The following CYP4V2 variants were observed in gnomAD, a reference collection of about 807,000 sequenced individuals.
The protein encoded by CYP4V2 is cytochrome P450 family 4 subfamily V member 2, also known as cytochrome P450 4V2.
CYP4V2 carries 55 observed loss-of-function variants against 60.8 expected under a neutral mutation model. That is an observed-to-expected ratio of 0.90 (90% CI 0.73 to 1.13). CYP4V2 has a LOEUF of 1.13. CYP4V2 is among the 50% of genes most tolerant of loss of function. The pLI, the probability that CYP4V2 is intolerant of heterozygous loss-of-function variation, is 0.00. For synonymous variants in CYP4V2, 239 were observed against 236.8 expected (o/e 1.01, Z -0.08); for missense variants, 675 against 662.9 (o/e 1.02, Z -0.20).
Position 186,196,978 on chromosome 4 carries a change from C to T in CYP4V2, c.452C>T (p.Thr151Ile), listed in dbSNP as rs1231355715. ...NKWRSRRKML[T>I]PTFHFTILED... Reference sequence around the variant, plus strand: ...TGGCGCTCCAGGAGAAAGATGTTAACACCCACTTTCCATTTTACCATTCTG... The same window carrying T: ...TGGCGCTCCAGGAGAAAGATGTTAATACCCACTTTCCATTTTACCATTCTG... The change falls in exon 4 of 11, where the codon ACA (threonine) becomes ATA (isoleucine). Residue 151 changes from threonine to isoleucine, a missense_variant. Thr to Ile is a moderately conservative substitution (Grantham distance 89). Coordinates refer to ENST00000378802, the MANE Select transcript of CYP4V2 (RefSeq NM_207352.4). The T allele has an allele frequency of 6.2e-7, 1 of 1,613,560 alleles. No homozygotes were observed. Among genetic ancestry groups the T allele is most frequent in the African/African-American group, 1.3e-5 (1 of 75,040 alleles).
chr4:186,209,134 C>T lies in CYP4V2; in HGVS notation c.1267C>T (p.Pro423Ser), dbSNP rs1736628203. Reference protein sequence around the residue: ...VLKGTEAVIIPYALHRDPRYF... With the variant: ...VLKGTEAVIISYALHRDPRYF... ...AAAAGGCACTGAAGCCGTCATCATT[C>T]CCTATGCATTGCACAGAGATCCGAG... is the stretch of plus-strand genomic sequence containing the variant. Residue 423 changes from proline (P) to serine (S), a missense_variant, in exon 10 of 11, where the codon CCC (proline) becomes TCC (serine). Pro to Ser is a moderately conservative substitution (Grantham distance 74, BLOSUM62 -1). Coordinates refer to ENST00000378802, the MANE Select transcript of CYP4V2 (RefSeq NM_207352.4). 1 of 1,614,186 alleles carries T rather than the reference C, an allele frequency of 6.2e-7. No individual in the cohort carries two copies. Among genetic ancestry groups the T allele is most frequent in the Admixed American group, 1.7e-5 (1 of 60,024 alleles).
Position 186,191,888 on chromosome 4 carries a change from T to G in CYP4V2, c.65T>G (p.Leu22Arg). 1 of 1,590,324 alleles carries G rather than the reference T, an allele frequency of 6.3e-7. No homozygotes were observed. The highest frequency in any genetic ancestry group is 8.5e-7 in the Non-Finnish European group (1 of 1,172,500). The change falls in exon 1 of 11, where the codon CTT becomes CGT. Residue 22 changes from leucine to arginine, a missense_variant. By Grantham distance (102) the Leu-to-Arg change is moderately radical (BLOSUM62 -2). Coordinates refer to ENST00000378802, the MANE Select transcript of CYP4V2 (RefSeq NM_207352.4). ...CTGCTGTGGGGCGCGGCGAGTGCCC[T>G]TTCCCTGGCCGGCGCCAGTCTGGTC... is the stretch of plus-strand genomic sequence containing the variant. ...KLLLWGAASA[L>R]SLAGASLVLS...
At chr4:186,197,852 C>T (rs1736200714) in intron 5 of CYP4V2, among the ~76,000 whole-genome samples, 3 of 152,048 alleles carry the variant, frequency 2.0e-5, no homozygotes, top group Non-Finnish European at 1.5e-5. Flanking sequence ...CATAATGATG[C>T]TTACATTATG....
At chr4:186,199,161 G>A in intron 6 of CYP4V2, 78 bp downstream of exon 6, 3 of 1,469,172 alleles carry the variant, frequency 2.0e-6, no homozygotes, top group South Asian at 1.2e-5. Context: ...TAACTGTACA[G>A]TTTGGTGGTA....
At chr4:186,199,991 A>G (rs566418095) in intron 6 of CYP4V2, among the ~76,000 whole-genome samples, 4 of 152,324 alleles carry the variant, frequency 2.6e-5, no homozygotes, top group Admixed American at 6.5e-5. Flanking sequence ...CATGAATGCA[A>G]TGTTGGCTGA....
At chr4:186,208,460 G>A (rs1032196958) in intron 8 of CYP4V2, among the ~76,000 whole-genome samples, 5 of 151,654 alleles carry the variant, frequency 3.3e-5, no homozygotes, top group Non-Finnish European at 7.4e-5. Context: ...TGATCCACAT[G>A]TTCTTCTTTG....
rs1045604320 is a variant in CYP4V2, at chr4:186,192,251, G to C, written c.214+214G>C. ...AAAGTGAGCATTTTCTTTGTGTGTA[G>C]CACAGGATGCGGTATTTCCAAACCC... is the stretch of plus-strand genomic sequence containing the variant. On this transcript the variant is annotated intron_variant, in intron 1 of 10. Transcript: ENST00000378802. 4 of 719,904 alleles carry C rather than the reference G, an allele frequency of 5.6e-6. No individual in the cohort carries two copies. In the Admixed American group the frequency reaches 6.0e-5, roughly 11 times the overall value. 44.6% of individuals were successfully genotyped at this position (719,904 alleles called of 1,614,324 possible). A position where few individuals can be genotyped will look rare whatever the true frequency, so the allele number is the denominator to read the frequency against.
intron 6 of CYP4V2, 26 bp downstream of exon 6, chr4:186,199,109 G>C: frequency 6.2e-7 from 1 of 1,606,716 alleles, no homozygotes; most frequent in Non-Finnish European, 8.5e-7. Context: ...TTACAATTGT[G>C]GTAAAATAGA....
At chr4:186,201,496 G>GC in intron 7 of CYP4V2, 154 bp downstream of exon 7, 1 of 888,792 alleles carries the variant, frequency 1.1e-6, no homozygotes, top group East Asian at 2.7e-5. Context: ...TTAAGAAACT[G>GC]ATTAAGTACC....
chr4:186,202,796 G>C (rs79078432), intron 7 of CYP4V2: 3 of 143,486 alleles, frequency 2.1e-5, no homozygotes, highest in Non-Finnish European at 4.6e-5. Flanking sequence ...GCGCACACAC[G>C]TGCATACACT....
chr4:186,204,252 G>GCGTCCTT (rs1736413582), intron 7 of CYP4V2: 1 of 163,988 alleles, frequency 6.1e-6, no homozygotes, highest in African/African-American at 2.5e-5. Flanking sequence ...TGGCGGTGGA[G>GCGTCCTT]ACGCTACGCT....
At chr4:186,192,364 C>A in intron 1 of CYP4V2, 1 of 555,044 alleles carries the variant, frequency 1.8e-6, no homozygotes, top group South Asian at 1.7e-5. Context: ...GCCTTAGGAA[C>A]AGAAGCTCCC....
Position 186,212,156 on chromosome 4 carries a change from C to G in CYP4V2, c.*1515C>G, listed in dbSNP as rs1736744601. 6.6e-6 allele frequency: 1 copy of G among 152,180 alleles called. No individual in the cohort carries two copies. Among genetic ancestry groups the G allele is most frequent in the Admixed American group, 6.5e-5 (1 of 15,278 alleles). The allele number at this position is 152,180 out of a possible 1,614,324, so 9.4% of individuals were successfully genotyped here. A position where few individuals can be genotyped will look rare whatever the true frequency, so the allele number is the denominator to read the frequency against. ...TACGTAGAGATCTATACCCTTAAAT[C>G]TCTCCACTCACATGCTGATATACTT... On this transcript the variant is annotated 3_prime_UTR_variant, in exon 11 of 11. Transcript: ENST00000378802.
intron 3 of CYP4V2, chr4:186,196,706 G>T (rs1040274337): frequency 7.6e-6 from 4 of 524,904 alleles, no homozygotes; most frequent in African/African-American, 7.6e-5. Context: ...TTTTAAACAT[G>T]TATAGAACAA....
rs1374016413 is a variant in CYP4V2 at position 186,201,227 on chromosome 4, C to T, written c.872C>T (p.Pro291Leu). 6.2e-7 allele frequency: 1 copy of T among 1,614,068 alleles called. No individual in the cohort carries two copies. The highest frequency in any genetic ancestry group is 1.7e-5 in the Admixed American group (1 of 60,018). Residue 291 changes from proline (P) to leucine (L), a missense_variant, in exon 7 of 11, where the codon CCC becomes CTC. Transcript: ENST00000378802. The stretch of plus-strand genomic sequence containing the variant: ...AGAGGTGATGGCAGGGGCTCTGCCC[C>T]CTCCAAAAATAAACGCAGGGCCTTT... ...DCRGDGRGSAPSKNKRRAFLD... is the reference protein window; with the variant it reads ...DCRGDGRGSALSKNKRRAFLD...
intron 6 of CYP4V2, 122 bp from the exon 7 acceptor site, chr4:186,201,034 GA>G: frequency 9.8e-7 from 1 of 1,015,860 alleles, no homozygotes; most frequent in Non-Finnish European, 1.5e-6. Context: ...CTATGTTGTC[GA>G]AATGTTGAAA....
chr4:186,207,201 G>C (rs1736533960), intron 8 of CYP4V2, among the ~76,000 whole-genome samples: 1 of 152,032 alleles, frequency 6.6e-6, no homozygotes, highest in South Asian at 2.1e-4. Context: ...GAGGTCAGGA[G>C]ATCGAGACCA....
rs1736306473 is a variant in CYP4V2 at position 186,201,513 on chromosome 4, A to G, written c.987+171A>G. ...AAGAAACTGATTAAGTACCAGCTCA[A>G]CTTCTTCAGAAAACGATTTTGACTA... On this transcript the variant is annotated intron_variant, in intron 7 of 10. Coordinates refer to ENST00000378802, the MANE Select transcript of CYP4V2 (RefSeq NM_207352.4). 28 of 761,454 alleles carry G rather than the reference A, an allele frequency of 3.7e-5. No individual in the cohort carries two copies. In the South Asian group the frequency reaches 5.5e-4, roughly 15 times the overall value. The allele number at this position is 761,454 out of a possible 1,614,324, so 47.2% of individuals were successfully genotyped here.
intron 3 of CYP4V2, 78 bp downstream of exon 3, chr4:186,196,166 AC>A: frequency 1.6e-6 from 2 of 1,256,120 alleles, no homozygotes; most frequent in Non-Finnish European, 2.3e-6. Flanking sequence ...AAGAATTAAC[AC>A]AGGGTAGCTT....
Sources: gnomAD v4.1 joint callset for allele counts (sites outside exome capture counted in the v4.1 genomes callset) on GRCh38, gnomAD v4.1.1 for gene constraint, MANE v1.5 for transcripts, NCBI Gene and HGNC (gene_info 2026-07-23, HGNC 2026-07-21) for gene names.